The following ANO3 variants were observed in gnomAD, a reference collection of about 807,000 sequenced individuals.
ANO3 encodes the protein anoctamin-3.
ANO3 carries 99 observed loss-of-function variants against 144.8 expected under a neutral mutation model. The ratio of observed to expected loss-of-function variants is 0.68; its 90% CI spans 0.58 to 0.81. The LOEUF (loss-of-function observed/expected upper bound fraction) is 0.81. Among genes scored for constraint, ANO3 ranks in the 30% least tolerant of loss-of-function variants. The pLI, the probability that ANO3 is intolerant of heterozygous loss-of-function variation, is 0.00. For missense variants in ANO3, 905 were observed against 1,202.2 expected (o/e 0.75, Z 3.66); for synonymous variants, 414 against 392.6 (o/e 1.05, Z -0.64).
chr11:26,207,047 G>A (rs923812911), intron 1 of ANO3, among the ~76,000 whole-genome samples: 1 of 152,106 alleles, frequency 6.6e-6, no homozygotes, highest in African/African-American at 2.4e-5. Flanking sequence ...TCTCGGGGAA[G>A]TAAAAAATGG....
chr11:26,511,518 A>G (rs1861664956), intron 5 of ANO3, among the ~76,000 whole-genome samples: 1 of 151,506 alleles, frequency 6.6e-6, no homozygotes, highest in Admixed American at 6.6e-5. Flanking sequence ...ACCCAGGGTG[A>G]CTTTCAATCT....
chr11:26,563,744 G>A (rs1850397458), intron 14 of ANO3, among the ~76,000 whole-genome samples: 1 of 151,724 alleles, frequency 6.6e-6, no homozygotes, highest in Non-Finnish European at 1.5e-5. Context: ...TCACTACAAG[G>A]AAAAATCAGT....
chr11:26,398,294 A>G (rs1263380948), intron 1 of ANO3, among the ~76,000 whole-genome samples: 3 of 152,174 alleles, frequency 2.0e-5, no homozygotes, highest in Non-Finnish European at 2.9e-5. Flanking sequence ...GGTAATAATG[A>G]ACTCACAGCC....
At chr11:26,251,128 T>C (rs920527756) in intron 1 of ANO3, among the ~76,000 whole-genome samples, 3 of 152,196 alleles carry the variant, frequency 2.0e-5, no homozygotes, top group Admixed American at 6.5e-5. Context: ...TTCACACCAT[T>C]GCAAAGTTGA....
chr11:26,578,469 G>A (rs1851048170), intron 14 of ANO3, among the ~76,000 whole-genome samples: 1 of 152,102 alleles, frequency 6.6e-6, no homozygotes, highest in South Asian at 2.1e-4. Flanking sequence ...GAAGGTGAAG[G>A]GATACAAAAG....
chr11:26,639,314 C>A, intron 21 of ANO3, 73 bp downstream of exon 21: 1 of 1,138,288 alleles, frequency 8.8e-7, no homozygotes. Flanking sequence ...GTGAGTAGTG[C>A]TTAAGAATTT....
At chr11:26,281,372 ACTC>A (rs2133844659) in intron 1 of ANO3, among the ~76,000 whole-genome samples, 1 of 152,136 alleles carries the variant, frequency 6.6e-6, no homozygotes, top group African/African-American at 2.4e-5. Flanking sequence ...ACCACTCTGA[ACTC>A]CTCATGAGCA....
intron 17 of ANO3, among the ~76,000 whole-genome samples, chr11:26,617,033 A>G (rs951178805): frequency 6.6e-6 from 1 of 152,178 alleles, no homozygotes; most frequent in African/African-American, 2.4e-5. Flanking sequence ...AGCCTTCCAA[A>G]GTGCTGGGAT....
At chr11:26,459,467 T>C (rs1406159590) in intron 3 of ANO3, among the ~76,000 whole-genome samples, 3 of 151,994 alleles carry the variant, frequency 2.0e-5, no homozygotes, top group African/African-American at 7.2e-5. Flanking sequence ...TAGACAGGAT[T>C]TGGGCATTTA....
chr11:26,420,097 C>T (rs1022875038), intron 1 of ANO3, among the ~76,000 whole-genome samples: 6 of 151,894 alleles, frequency 4.0e-5, no homozygotes, highest in African/African-American at 7.3e-5. Context: ...ATATTGTAAT[C>T]GAATTAGATA....
rs1002544212 is a variant in ANO3, at chr11:26,384,143, G to A, written c.46+51822G>A. On this transcript the variant is annotated intron_variant, in intron 1 of 26. Coordinates refer to ENST00000256737, the MANE Select transcript of ANO3 (RefSeq NM_031418.4). ...TCTCAAACTCTTAAACTCGTGATCC[G>A]CCCGCCTTGGCCTCCCAAAGTGCTG... Among the ~76,000 whole-genome samples, 53 of 151,720 alleles carry A rather than the reference G, an allele frequency of 3.5e-4. No individual in the cohort carries two copies. In the South Asian group the frequency reaches 3.5e-3, roughly 10 times the overall value.
At chr11:26,251,400 A>G (rs1028422339) in intron 1 of ANO3, among the ~76,000 whole-genome samples, 1 of 152,174 alleles carries the variant, frequency 6.6e-6, no homozygotes, top group African/African-American at 2.4e-5. Context: ...ATATTTTTCA[A>G]ATGAAAATCT....
At chr11:26,217,968 G>T (rs540281971) in intron 1 of ANO3, among the ~76,000 whole-genome samples, 17 of 152,112 alleles carry the variant, frequency 1.1e-4, no homozygotes, top group African/African-American at 3.6e-4. Context: ...ATAATGATTG[G>T]CATTGAACTG....
chr11:26,330,843 G>A (rs577156660), upstream of ANO3, among the ~76,000 whole-genome samples: 2 of 152,244 alleles, frequency 1.3e-5, no homozygotes, highest in East Asian at 3.9e-4. Context: ...TTGAGGTATC[G>A]AAAGTTTGGA....
At chr11:26,589,325 T>C (rs1851376525) in intron 14 of ANO3, among the ~76,000 whole-genome samples, 1 of 141,104 alleles carries the variant, frequency 7.1e-6, no homozygotes, top group African/African-American at 2.5e-5. Context: ...AATGCAACTA[T>C]GAACATTGTA....
intron 17 of ANO3, among the ~76,000 whole-genome samples, chr11:26,600,069 T>C (rs1448794976): frequency 6.6e-6 from 1 of 152,116 alleles, no homozygotes; most frequent in Admixed American, 6.5e-5. Context: ...ATAAACTCCA[T>C]TTTATGGGAA....
intron 17 of ANO3, among the ~76,000 whole-genome samples, chr11:26,609,246 T>C (rs1240919859): frequency 6.6e-6 from 1 of 152,056 alleles, no homozygotes; most frequent in Non-Finnish European, 1.5e-5. Flanking sequence ...TTCCACTCAG[T>C]GGAGCACACC....
At chr11:26,278,250 C>A (rs779470242) in intron 1 of ANO3, among the ~76,000 whole-genome samples, 2 of 152,108 alleles carry the variant, frequency 1.3e-5, no homozygotes, top group Non-Finnish European at 2.9e-5. Flanking sequence ...AACATGAAGA[C>A]CCTTGCTCAT....
intron 1 of ANO3, among the ~76,000 whole-genome samples, chr11:26,388,457 T>G (rs2133959123): frequency 6.6e-6 from 1 of 152,264 alleles, no homozygotes; most frequent in East Asian, 1.9e-4. Flanking sequence ...TTAATACAAC[T>G]TTATTAGAAA....
Sources: allele counts gnomAD v4.1 joint callset (sites outside exome capture counted in the v4.1 genomes callset), GRCh38; gene constraint gnomAD v4.1.1; transcripts MANE v1.5; gene names NCBI Gene and HGNC (gene_info 2026-07-23, HGNC 2026-07-21).